SLC24A3: variants seen among roughly 807,000 people sequenced by gnomAD.
SLC24A3 encodes the protein solute carrier family 24 member 3, also known as sodium/potassium/calcium exchanger 3.
A neutral mutation model predicts 75.8 loss-of-function variants in SLC24A3; 28 were observed. The observed-to-expected ratio is 0.37, with a 90% CI of 0.27 to 0.51. SLC24A3 has a LOEUF of 0.51. Ranked by LOEUF, SLC24A3 falls within the 20% of genes least tolerant of loss-of-function variation. SLC24A3 has a pLI of 0.94. For synonymous variants in SLC24A3, 372 were observed against 334.1 expected, an observed-to-expected ratio of 1.11 and a Z score of -1.24; for missense variants, 663 against 847.8, an observed-to-expected ratio of 0.78 and a Z score of 2.71.
At chr20:19,477,412 G>T (rs143687794) in intron 2 of SLC24A3, among the ~76,000 whole-genome samples, 18 of 152,334 alleles carry the variant, frequency 1.2e-4, no homozygotes, top group African/African-American at 4.1e-4. Flanking sequence ...AACCTGCAGG[G>T]AGTAGATCGC....
At chr20:19,695,335 G>A (rs2032791846) in intron 13 of SLC24A3, 1 of 152,174 alleles carries the variant, frequency 6.6e-6, no homozygotes, top group Non-Finnish European at 1.5e-5. Context: ...GCAAGTGAGG[G>A]AGATCCAGTG....
At chr20:19,693,981 A>C (rs2032776218) in intron 13 of SLC24A3, 1 of 152,492 alleles carries the variant, frequency 6.6e-6, no homozygotes, top group South Asian at 2.1e-4. Context: ...AAAGGCACAA[A>C]GAATTGGGAA....
chr20:19,430,533 A>C (rs577452695), intron 2 of SLC24A3, among the ~76,000 whole-genome samples: 3 of 152,216 alleles, frequency 2.0e-5, no homozygotes, highest in Non-Finnish European at 2.9e-5. Flanking sequence ...ATTTAAAAAC[A>C]GAACGTGGAC....
chr20:19,649,343 T>G (rs2032173795), intron 6 of SLC24A3, among the ~76,000 whole-genome samples: 1 of 152,242 alleles, frequency 6.6e-6, no homozygotes, highest in African/African-American at 2.4e-5. Context: ...AGTGAAACAT[T>G]CAACCACCAA....
chr20:19,527,186 C>A (rs2030214405), intron 3 of SLC24A3, among the ~76,000 whole-genome samples: 1 of 152,128 alleles, frequency 6.6e-6, no homozygotes, highest in Admixed American at 6.5e-5. Context: ...TTTACACTAG[C>A]ACAGATCTCC....
intron 2 of SLC24A3, among the ~76,000 whole-genome samples, chr20:19,419,564 C>T (rs536622933): frequency 5.2e-4 from 79 of 152,232 alleles, no homozygotes; most frequent in South Asian, 1.2e-3. Flanking sequence ...AGGTTTAACC[C>T]AGCTGTCCAT....
intron 2 of SLC24A3, among the ~76,000 whole-genome samples, chr20:19,460,627 C>T (rs1397460139): frequency 5.3e-5 from 8 of 152,174 alleles, no homozygotes; most frequent in Non-Finnish European, 1.0e-4. Flanking sequence ...TCCCCTGACT[C>T]ACTGTGTCTT....
chr20:19,499,013 A>G (rs1378764150), intron 2 of SLC24A3, among the ~76,000 whole-genome samples: 1 of 152,194 alleles, frequency 6.6e-6, no homozygotes, highest in East Asian at 1.9e-4. Context: ...CAGCTGTTCC[A>G]GCTCCCAGGT....
At chr20:19,682,935 T>C (rs1182637608) in intron 10 of SLC24A3, among the ~76,000 whole-genome samples, 2 of 152,236 alleles carry the variant, frequency 1.3e-5, no homozygotes, top group Non-Finnish European at 2.9e-5. Flanking sequence ...AATAATCATT[T>C]AATTTTACCT....
At chr20:19,236,410 CAT>C in intron 1 of SLC24A3, among the ~76,000 whole-genome samples, 1 of 152,192 alleles carries the variant, frequency 6.6e-6, no homozygotes, top group East Asian at 1.9e-4. Context: ...TAGACCGGCC[CAT>C]ATATCATAGT....
chr20:19,590,256 G>T (rs191655211), intron 6 of SLC24A3, among the ~76,000 whole-genome samples: 1 of 152,094 alleles, frequency 6.6e-6, no homozygotes, highest in East Asian at 1.9e-4. Context: ...CCCACAGCTG[G>T]GCTTTTGCTT....
intron 1 of SLC24A3, among the ~76,000 whole-genome samples, chr20:19,238,987 C>CAT (rs1314910962): frequency 6.6e-6 from 1 of 151,566 alleles, no homozygotes; most frequent in East Asian, 1.9e-4. Context: ...CACACACACA[C>CAT]ACCTGCCAAA....
intron 1 of SLC24A3, 30 bp downstream of exon 1, chr20:19,213,014 C>A: frequency 8.1e-7 from 1 of 1,232,080 alleles, no homozygotes; most frequent in Non-Finnish European, 1.0e-6. Flanking sequence ...CCCGAGTGGG[C>A]GCTGCGGCTC....
intron 2 of SLC24A3, among the ~76,000 whole-genome samples, chr20:19,367,813 T>C (rs6136692): frequency 0.057 from 8,648 of 152,222 alleles, 692 homozygotes; most frequent in East Asian, 0.29. Context: ...CCACTTGGCA[T>C]TGGTGCATTG....
At chr20:19,497,930 A>G (rs1283897009) in intron 2 of SLC24A3, among the ~76,000 whole-genome samples, 2 of 152,200 alleles carry the variant, frequency 1.3e-5, no homozygotes, top group Non-Finnish European at 1.5e-5. Context: ...ACTGGGCCAC[A>G]TAGCAGGAGG....
intron 3 of SLC24A3, among the ~76,000 whole-genome samples, chr20:19,554,825 G>T (rs2030757108): frequency 6.6e-6 from 1 of 152,192 alleles, no homozygotes; most frequent in South Asian, 2.1e-4. Flanking sequence ...TGAAAGAGGA[G>T]CAGAAAGCTC....
chr20:19,678,318 C>T (rs1315640866), intron 9 of SLC24A3, among the ~76,000 whole-genome samples: 15 of 132,636 alleles, frequency 1.1e-4, no homozygotes, highest in Non-Finnish European at 1.7e-4. Flanking sequence ...CCAGACGGGG[C>T]GGCTGGCCGG....
At chr20:19,717,618 A>T in intron 16 of SLC24A3, 25 bp downstream of exon 16, 1 of 1,613,636 alleles carries the variant, frequency 6.2e-7, no homozygotes, top group Non-Finnish European at 8.5e-7. Context: ...CTCTCCTCGT[A>T]CTTGTGTTTG....
intron 2 of SLC24A3, among the ~76,000 whole-genome samples, chr20:19,286,620 C>G (rs986940985): frequency 6.6e-6 from 1 of 152,178 alleles, no homozygotes. Context: ...ACCCAACACC[C>G]GTGCAGTGCT....
Sources: gnomAD v4.1 joint callset for allele counts (sites outside exome capture counted in the v4.1 genomes callset) on GRCh38, gnomAD v4.1.1 for gene constraint, MANE v1.5 for transcripts, NCBI Gene and HGNC (gene_info 2026-07-23, HGNC 2026-07-21) for gene names.